PCSK5: variants seen among roughly 807,000 people sequenced by gnomAD.
PCSK5 encodes the protein proprotein convertase subtilisin/kexin type 5, also known as prohormone convertase 5.
Under a neutral mutation model 233.2 loss-of-function variants are expected in PCSK5, and 129 were observed. That is an observed-to-expected ratio of 0.55 (90% CI 0.48 to 0.64). The LOEUF is 0.64. PCSK5 is among the 30% of genes least tolerant of loss of function. The pLI is 0.00. For synonymous variants in PCSK5, 825 were observed against 879.2 expected (o/e 0.94, Z 1.09); for missense variants, 2,076 against 2,430.1 (o/e 0.85, Z 3.06).
chr9:75,944,577 G>A (rs1240193737), intron 2 of PCSK5, among the ~76,000 whole-genome samples: 4 of 152,054 alleles, frequency 2.6e-5, no homozygotes, highest in Non-Finnish European at 5.9e-5. Flanking sequence ...CTTTCCCAGA[G>A]TTTTCTTTCT....
At chr9:75,925,912 T>A (rs1038480105) in intron 1 of PCSK5, among the ~76,000 whole-genome samples, 3 of 152,226 alleles carry the variant, frequency 2.0e-5, no homozygotes, top group Non-Finnish European at 4.4e-5. Context: ...CATCACTGCC[T>A]CTGTAACTTT....
intron 5 of PCSK5, among the ~76,000 whole-genome samples, chr9:76,053,286 A>G (rs967377513): frequency 6.6e-6 from 1 of 152,162 alleles, no homozygotes; most frequent in Non-Finnish European, 1.5e-5. Context: ...GAGGTTCTCC[A>G]TGAGGGTTCC....
chr9:76,203,893 G>A (rs1188660632), intron 20 of PCSK5, among the ~76,000 whole-genome samples: 1 of 152,014 alleles, frequency 6.6e-6, no homozygotes, highest in African/African-American at 2.4e-5. Context: ...TTCAAATCCT[G>A]GCTCTGTCAT....
In PCSK5 at chr9:76,158,984, A is replaced by G; in HGVS notation, c.1432A>G (p.Thr478Ala). ...CVESTDRQIK[T>A]IRPNSAVRSI... ...ACTCTCCATCTCTCTCTGTTACAGG[A>G]CAATCCGCCCTAACAGTGCAGTGCG... Residue 478 changes from threonine (T) to alanine (A), a missense_variant and splice_region_variant, in exon 12 of 38, where the codon ACA becomes GCA. Coordinates refer to ENST00000674117, the MANE Select transcript of PCSK5 (RefSeq NM_001372043.1). 1 of 1,613,234 alleles carries G rather than the reference A, an allele frequency of 6.2e-7. No homozygotes were observed. The highest frequency in any genetic ancestry group is 8.5e-7 in the Non-Finnish European group (1 of 1,179,332).
At chr9:75,955,404 G>A (rs796208306) in intron 2 of PCSK5, among the ~76,000 whole-genome samples, 2 of 152,092 alleles carry the variant, frequency 1.3e-5, no homozygotes, top group Admixed American at 6.5e-5. Flanking sequence ...ACCAACACAC[G>A]TGCTTTGTAG....
chr9:76,001,160 T>G (rs1406148190), intron 3 of PCSK5, among the ~76,000 whole-genome samples: 1 of 152,178 alleles, frequency 6.6e-6, no homozygotes, highest in Non-Finnish European at 1.5e-5. Flanking sequence ...ACCAATATAA[T>G]TACTCTTTGA....
At chr9:76,023,673 G>GAAAT in intron 3 of PCSK5, 65 bp from the exon 4 acceptor site, 1 of 1,419,686 alleles carries the variant, frequency 7.0e-7, no homozygotes, top group Non-Finnish European at 9.6e-7. Context: ...AAGAAAGAAA[G>GAAAT]AAATAGGTAA....
chr9:76,339,241 T>C (rs35732708), intron 35 of PCSK5, among the ~76,000 whole-genome samples: 4,262 of 152,258 alleles, frequency 0.028, 71 homozygotes, highest in Non-Finnish European at 0.043. Context: ...GAAATACTTC[T>C]ATATTTTAAT....
At chr9:76,244,562 G>GTT (rs759457128) in intron 24 of PCSK5, among the ~76,000 whole-genome samples, 13 of 139,078 alleles carry the variant, frequency 9.3e-5, no homozygotes, top group Admixed American at 2.9e-4. Context: ...AAAATCCTGG[G>GTT]GTTTTTTTTT....
intron 9 of PCSK5, among the ~76,000 whole-genome samples, chr9:76,109,805 G>A (rs557753918): frequency 3.3e-4 from 51 of 152,278 alleles, no homozygotes; most frequent in African/African-American, 1.2e-3. Flanking sequence ...ATCTTTGCCT[G>A]TAAAGTGAAG....
Position 76,175,105 on chromosome 9 carries a change from G to T in PCSK5, c.1876G>T (p.Asp626Tyr). Residue 626 changes from aspartate to tyrosine, a missense_variant, in exon 14 of 38, where the codon GAC becomes TAC. By Grantham distance (160) the Asp-to-Tyr change is radical. Around this residue, in one of 6 missense-constraint regions of PCSK5, gnomAD observed 84 missense variants for 108.8 expected, o/e 0.77. Coordinates refer to ENST00000674117, the MANE Select transcript of PCSK5 (RefSeq NM_001372043.1). ...RYSRVEDPTD[D>Y]YGTEDYAGPC... Reference sequence around the variant, plus strand: ...TAGCCGAGTTGAAGACCCCACAGACGACTATGGCACAGAGGATTATGCAGG... The same window carrying T: ...TAGCCGAGTTGAAGACCCCACAGACTACTATGGCACAGAGGATTATGCAGG... 1 of 1,614,150 alleles carries T rather than the reference G, an allele frequency of 6.2e-7. No homozygotes were observed. Among genetic ancestry groups the T allele is most frequent in the South Asian group, 1.1e-5 (1 of 91,080 alleles).
At chr9:75,904,053 A>G (rs936067353) in intron 1 of PCSK5, among the ~76,000 whole-genome samples, 4 of 152,124 alleles carry the variant, frequency 2.6e-5, no homozygotes, top group African/African-American at 9.7e-5. Flanking sequence ...TTTATTTTTA[A>G]CTATGGGGCG....
intron 9 of PCSK5, among the ~76,000 whole-genome samples, chr9:76,119,669 C>T (rs1290506154): frequency 2.0e-5 from 3 of 151,802 alleles, no homozygotes; most frequent in Admixed American, 1.3e-4. Context: ...TTTGCATGTA[C>T]ATAGTATGTG....
intron 20 of PCSK5, among the ~76,000 whole-genome samples, chr9:76,219,338 C>A (rs1412790470): frequency 6.6e-6 from 1 of 152,152 alleles, no homozygotes; most frequent in East Asian, 1.9e-4. Context: ...GAAAGCCACA[C>A]TGCAGCGGTA....
At chr9:76,027,456 C>T (rs1322724932) in intron 5 of PCSK5, among the ~76,000 whole-genome samples, 1 of 151,964 alleles carries the variant, frequency 6.6e-6, no homozygotes, top group East Asian at 1.9e-4. Flanking sequence ...CTTTACTCCT[C>T]CTTCGCTCCT....
At chr9:76,353,016 G>A (rs888161926) in intron 36 of PCSK5, among the ~76,000 whole-genome samples, 7 of 130,772 alleles carry the variant, frequency 5.4e-5, no homozygotes, top group South Asian at 2.6e-4. Flanking sequence ...AAGTAAGCCC[G>A]TCTCAAAAAA....
At chr9:76,026,592 G>T (rs1458346680) in intron 4 of PCSK5, among the ~76,000 whole-genome samples, 1 of 152,144 alleles carries the variant, frequency 6.6e-6, no homozygotes, top group Non-Finnish European at 1.5e-5. Context: ...AAATCACTTT[G>T]TGCCTAGGTA....
chr9:76,037,458 T>G (rs1212035179), intron 5 of PCSK5, among the ~76,000 whole-genome samples: 1 of 152,182 alleles, frequency 6.6e-6, no homozygotes, highest in East Asian at 1.9e-4. Flanking sequence ...GTACAGATGT[T>G]GTTAATATTA....
At chr9:76,237,768 C>T (rs888293279) in intron 22 of PCSK5, among the ~76,000 whole-genome samples, 3 of 151,934 alleles carry the variant, frequency 2.0e-5, no homozygotes, top group Admixed American at 6.6e-5. Flanking sequence ...GAGTGAGACC[C>T]TGTCTCAAAA....
Sources: allele counts gnomAD v4.1 joint callset (sites outside exome capture counted in the v4.1 genomes callset), GRCh38; gene constraint gnomAD v4.1.1; regional missense constraint gnomAD v4.1.1; transcripts MANE v1.5; gene names NCBI Gene and HGNC (gene_info 2026-07-23, HGNC 2026-07-21).